Variants in SNTG1 observed in about 807,000 individuals in gnomAD.
The protein encoded by SNTG1 is gamma-1-syntrophin.
SNTG1 carries 39 observed loss-of-function variants against 74.7 expected under a neutral mutation model. The ratio of observed to expected loss-of-function variants is 0.52; its 90% CI spans 0.40 to 0.68. SNTG1 has a LOEUF of 0.68. Ranked by LOEUF, SNTG1 falls within the 30% of genes least tolerant of loss-of-function variation. The pLI, the probability that SNTG1 is intolerant of heterozygous loss-of-function variation, is 0.00. For synonymous variants in SNTG1, 254 were observed against 217.1 expected (o/e 1.17, Z -1.49); for missense variants, 685 against 609.5 (o/e 1.12, Z -1.30).
At chr8:50,334,150 G>A (rs1353672185) in intron 2 of SNTG1, among the ~76,000 whole-genome samples, 1 of 152,116 alleles carries the variant, frequency 6.6e-6, no homozygotes, top group Non-Finnish European at 1.5e-5. Flanking sequence ...GCCCTCCTCG[G>A]CCTCCCAAAG....
At chr8:50,061,051 A>G (rs893985122) in intron 1 of SNTG1, among the ~76,000 whole-genome samples, 2 of 152,178 alleles carry the variant, frequency 1.3e-5, no homozygotes, top group African/African-American at 4.8e-5. Context: ...CTACCTGGGT[A>G]CTGGCCTTAA....
At chr8:50,274,636 G>T (rs1349471591) in intron 2 of SNTG1, among the ~76,000 whole-genome samples, 2 of 152,046 alleles carry the variant, frequency 1.3e-5, no homozygotes, top group Non-Finnish European at 2.9e-5. Context: ...CCCATCTTAG[G>T]ATAAAGACAC....
intron 3 of SNTG1, among the ~76,000 whole-genome samples, chr8:50,398,919 G>A (rs1363162500): frequency 2.0e-5 from 3 of 152,140 alleles, no homozygotes; most frequent in Non-Finnish European, 4.4e-5. Flanking sequence ...CAACAAGAGC[G>A]AAACTCTGTC....
At chr8:50,440,454 T>A (rs1045664551) in intron 5 of SNTG1, among the ~76,000 whole-genome samples, 12 of 152,148 alleles carry the variant, frequency 7.9e-5, no homozygotes, top group African/African-American at 2.9e-4. Context: ...TCTTTCCCTG[T>A]CATATATGAG....
At chr8:50,123,528 A>G (rs912172518) in intron 1 of SNTG1, among the ~76,000 whole-genome samples, 2 of 142,824 alleles carry the variant, frequency 1.4e-5, no homozygotes, top group African/African-American at 5.1e-5. Flanking sequence ...TTAAGAAAGC[A>G]AGAGTATGGT....
intron 1 of SNTG1, among the ~76,000 whole-genome samples, chr8:50,115,576 A>AAAAAAAAAAAAAAAAAAAAACC (rs1482375164): frequency 1.2e-5 from 1 of 82,908 alleles, no homozygotes; most frequent in Admixed American, 1.8e-4. Flanking sequence ...TCAAAAAAAA[A>AAAAAAAAAAAAAAAAAAAAACC]AAAAAAAAAA....
intron 15 of SNTG1, among the ~76,000 whole-genome samples, chr8:50,704,330 T>G (rs557251763): frequency 6.6e-6 from 1 of 152,298 alleles, no homozygotes; most frequent in East Asian, 1.9e-4. Context: ...TCTTGTATGT[T>G]AAATGCTTTG....
intron 18 of SNTG1, among the ~76,000 whole-genome samples, chr8:50,783,498 A>G (rs1160831608): frequency 6.6e-6 from 1 of 152,198 alleles, no homozygotes; most frequent in Non-Finnish European, 1.5e-5. Context: ...GGACCCTCCG[A>G]GCCATGTGCA....
In SNTG1 at chr8:50,738,790, C is replaced by CA. The variant is rs58912248; in HGVS notation, c.1285-13199dup. 9.7e-4 allele frequency among the ~76,000 whole-genome samples: 133 copies of CA among 136,874 alleles called. 1 individual carries two copies. Among genetic ancestry groups the CA allele is most frequent in the Middle Eastern group, 7.7e-3 (2 of 260 alleles). The allele number at this position is 136,874 out of a possible 152,430, so 89.8% of individuals were successfully genotyped here. On this transcript the variant is annotated intron_variant, in intron 17 of 18. Coordinates refer to ENST00000642720, the MANE Select transcript of SNTG1 (RefSeq NM_018967.5). Reference sequence around the variant, plus strand: ...ACCATCTGATCTTCCACAAACCTGACAAAAAAAAAAAAGCAATGGGGAAAG... The same window carrying CA: ...ACCATCTGATCTTCCACAAACCTGACAAAAAAAAAAAAAGCAATGGGGAAAG...
chr8:50,574,102 G>A (rs1019452254), intron 12 of SNTG1, among the ~76,000 whole-genome samples: 3 of 151,942 alleles, frequency 2.0e-5, no homozygotes, highest in East Asian at 1.9e-4. Flanking sequence ...TTATTGGAAC[G>A]CTAAGCATGT....
At chr8:50,025,923 T>C (rs942602020) in intron 1 of SNTG1, among the ~76,000 whole-genome samples, 1 of 152,296 alleles carries the variant, frequency 6.6e-6, no homozygotes, top group African/African-American at 2.4e-5. Flanking sequence ...TATGGTTACA[T>C]AAATGAGCTT....
intron 1 of SNTG1, among the ~76,000 whole-genome samples, chr8:49,919,878 A>G (rs1209959029): frequency 6.6e-6 from 1 of 152,104 alleles, no homozygotes; most frequent in East Asian, 1.9e-4. Flanking sequence ...AAACTCCCGA[A>G]AGTAGATTAA....
intron 4 of SNTG1, among the ~76,000 whole-genome samples, chr8:50,411,842 G>A (rs1020590025): frequency 6.6e-6 from 1 of 152,160 alleles, no homozygotes; most frequent in Admixed American, 6.5e-5. Flanking sequence ...ATCCCCTGGT[G>A]GTGGCCGCAG....
intron 13 of SNTG1, among the ~76,000 whole-genome samples, chr8:50,631,001 C>T (rs2094993465): frequency 6.6e-6 from 1 of 152,198 alleles, no homozygotes; most frequent in Non-Finnish European, 1.5e-5. Flanking sequence ...GAGAAAGCTT[C>T]CTAGTTTTCC....
At position 50,260,010 on chromosome 8, in the gene SNTG1, T is replaced by C. The variant is rs552213938; in HGVS notation, c.-28+87375T>C. Among the ~76,000 whole-genome samples the C allele has an allele frequency of 1.6e-3, 245 of 152,238 alleles. 2 individuals carry two copies. The highest frequency in any genetic ancestry group is 3.4e-3 in the Middle Eastern group (1 of 294). On this transcript the variant is annotated intron_variant, in intron 2 of 18. Coordinates refer to ENST00000642720, the MANE Select transcript of SNTG1 (RefSeq NM_018967.5). Reference sequence around the variant, plus strand: ...ATGTAAGTTTTGCCACTGAGAGCCCTACCAGGTTTTCACCAAAAAGATTGG... The same window carrying C: ...ATGTAAGTTTTGCCACTGAGAGCCCCACCAGGTTTTCACCAAAAAGATTGG...
intron 8 of SNTG1, among the ~76,000 whole-genome samples, chr8:50,494,929 A>C (rs974895096): frequency 6.6e-6 from 1 of 152,038 alleles, no homozygotes; most frequent in Non-Finnish European, 1.5e-5. Flanking sequence ...TCAGTGATTT[A>C]TTATTATTGT....
chr8:50,049,380 T>C (rs203961), intron 1 of SNTG1, among the ~76,000 whole-genome samples: 1 of 152,050 alleles, frequency 6.6e-6, no homozygotes, highest in Non-Finnish European at 1.5e-5. Flanking sequence ...TTATATCAAA[T>C]AGGTCATTAT....
chr8:50,371,359 C>A (rs1012998185), intron 2 of SNTG1, among the ~76,000 whole-genome samples: 2 of 152,182 alleles, frequency 1.3e-5, no homozygotes, highest in Non-Finnish European at 2.9e-5. Flanking sequence ...AAATAAGTCA[C>A]ATGAACTAGT....
chr8:50,006,936 TAGGGTAGGGG>T (rs936574668), intron 1 of SNTG1, among the ~76,000 whole-genome samples: 13 of 152,138 alleles, frequency 8.5e-5, no homozygotes, highest in Non-Finnish European at 1.5e-5. Context: ...TATCCCTGCC[TAGGGTAGGGG>T]AGTCTTAGGC....
Sources: allele counts gnomAD v4.1 joint callset (sites outside exome capture counted in the v4.1 genomes callset), GRCh38; gene constraint gnomAD v4.1.1; transcripts MANE v1.5; gene names NCBI Gene and HGNC (gene_info 2026-07-23, HGNC 2026-07-21).